Variants in TTL observed in about 807,000 individuals in gnomAD.
The protein encoded by TTL is tubulin tyrosine ligase.
TTL carries 10 observed loss-of-function variants against 41.1 expected under a neutral mutation model. The ratio of observed to expected loss-of-function variants is 0.24; its 90% CI spans 0.15 to 0.41. TTL has a LOEUF of 0.41. Among genes scored for constraint, TTL ranks in the 10% least tolerant of loss-of-function variants. TTL has a pLI of 1.00. For missense variants in TTL, 367 were observed against 460.4 expected (o/e 0.80, Z 1.86); for synonymous variants, 175 against 175.5 (o/e 1.00, Z 0.02).
At chr2:112,527,713 C>T (rs1239583337) in intron 6 of TTL, among the ~76,000 whole-genome samples, 3 of 152,104 alleles carry the variant, frequency 2.0e-5, no homozygotes, top group Non-Finnish European at 4.4e-5. Context: ...TGTCTCTGCA[C>T]GTGAGGTGGG....
chr2:112,528,544 G>T (rs1357551633), intron 6 of TTL, 137 bp from the exon 7 acceptor site: 12 of 684,178 alleles, frequency 1.8e-5, no homozygotes, highest in Non-Finnish European at 3.1e-5. Flanking sequence ...AGGCTGCAGT[G>T]TATGTACCAT....
rs192438633 is a variant in TTL, at chr2:112,531,238, C to G, written c.*2443C>G. 114 of 224,802 alleles carry G rather than the reference C, an allele frequency of 5.1e-4. No individual in the cohort carries two copies. The highest frequency in any genetic ancestry group is 2.0e-3 in the Admixed American group (35 of 17,464). The allele number at this position is 224,802 out of a possible 1,614,324, so 13.9% of individuals were successfully genotyped here. Reference sequence around the variant, plus strand: ...TTGACACAGAAGGTTATGCCTGGCTCCCAGTCAGGCTTCATACTTTTGGTC... The same window carrying G: ...TTGACACAGAAGGTTATGCCTGGCTGCCAGTCAGGCTTCATACTTTTGGTC... On this transcript the variant is annotated 3_prime_UTR_variant, in exon 7 of 7. Coordinates refer to ENST00000233336, the MANE Select transcript of TTL (RefSeq NM_153712.5).
At chr2:112,526,752 T>G (rs1257132778) in intron 6 of TTL, among the ~76,000 whole-genome samples, 1 of 152,190 alleles carries the variant, frequency 6.6e-6, no homozygotes, top group Non-Finnish European at 1.5e-5. Flanking sequence ...CTGGATTCAT[T>G]GATTTTTTGA....
In TTL at chr2:112,535,008, AAGG is replaced by A. The variant is rs769205315; in HGVS notation, c.*6214_*6216del. On this transcript the variant is annotated 3_prime_UTR_variant, in exon 7 of 7. Transcript: ENST00000233336. ...AGAAAGGCAGGCAGAAAGAAGGAGA[AAGG>A]GAGGGAGGGAGGGAAAGGAGGGAGG... 7.1e-6 allele frequency: 1 copy of A among 140,166 alleles called. No individual in the cohort carries two copies. The highest frequency in any genetic ancestry group is 2.7e-4 in the South Asian group (1 of 3,664). The allele number at this position is 140,166 out of a possible 1,614,324, so 8.7% of individuals were successfully genotyped here.
Position 112,533,804 on chromosome 2 carries a change from C to T in TTL, c.*5009C>T, listed in dbSNP as rs1682552492. On this transcript the variant is annotated 3_prime_UTR_variant, in exon 7 of 7. Coordinates refer to ENST00000233336, the MANE Select transcript of TTL (RefSeq NM_153712.5). ...AGAGATTAAGTTTCCAACACATTTACTTTGGGGAACACATTCAAACCATAG... is the reference window on the plus strand; with the variant it reads ...AGAGATTAAGTTTCCAACACATTTATTTTGGGGAACACATTCAAACCATAG... 1 of 152,186 alleles carries T rather than the reference C, an allele frequency of 6.6e-6. No homozygotes were observed. Among genetic ancestry groups the T allele is most frequent in the Non-Finnish European group, 1.5e-5 (1 of 68,032 alleles). 9.4% of individuals were successfully genotyped at this position (152,186 alleles called of 1,614,324 possible).
At position 112,517,876 on chromosome 2, in the gene TTL, G is replaced by T. The variant is rs1360684515; in HGVS notation, c.876-2406G>T. ...GGGAGGATCGCTTGAGCTCGGGGAG[G>T]TCAAGGCTGACTGCAGTGAGCCATG... On this transcript the variant is annotated intron_variant, in intron 5 of 6. Transcript: ENST00000233336. 2.0e-5 allele frequency among the ~76,000 whole-genome samples: 3 copies of T among 151,608 alleles called. No individual in the cohort carries two copies. The East Asian group carries it at 6.2e-4, about 31-fold the overall frequency.
At chr2:112,485,137 A>G (rs987955930) in intron 1 of TTL, among the ~76,000 whole-genome samples, 2 of 151,878 alleles carry the variant, frequency 1.3e-5, no homozygotes, top group East Asian at 1.9e-4. Flanking sequence ...TTTAGTAGAG[A>G]TGGGGTTTTG....
chr2:112,524,144 A>G (rs1335523916), intron 6 of TTL, among the ~76,000 whole-genome samples: 3 of 152,192 alleles, frequency 2.0e-5, no homozygotes, highest in Admixed American at 2.0e-4. Context: ...TTATGGCTGC[A>G]TAGTATTCCA....
rs1682506158 is a variant in TTL, at chr2:112,531,425, G to A, written c.*2630G>A. ...TGAAAGAGATCATTGCCTGACCCAG[G>A]GACTACCTCAAGGGCTTTTGATGAG... On this transcript the variant is annotated 3_prime_UTR_variant, in exon 7 of 7. Coordinates refer to ENST00000233336, the MANE Select transcript of TTL (RefSeq NM_153712.5). 4.4e-6 allele frequency: 1 copy of A among 229,404 alleles called. No homozygotes were observed. The highest frequency in any genetic ancestry group is 5.7e-5 in the Admixed American group (1 of 17,608). The allele number at this position is 229,404 out of a possible 1,614,324, so 14.2% of individuals were successfully genotyped here.
chr2:112,502,711 T>G (rs1681735087), intron 4 of TTL, among the ~76,000 whole-genome samples: 1 of 152,184 alleles, frequency 6.6e-6, no homozygotes, highest in African/African-American at 2.4e-5. Flanking sequence ...TAAAATGTTT[T>G]GTTTGCCTCA....
intron 6 of TTL, among the ~76,000 whole-genome samples, chr2:112,525,871 C>G (rs915267718): frequency 1.3e-5 from 2 of 152,120 alleles, no homozygotes; most frequent in African/African-American, 4.8e-5. Context: ...TGCCAGTTTT[C>G]AAAGGGAATG....
In TTL at chr2:112,495,305, C is replaced by T. The variant is rs1681496655; in HGVS notation, c.469+930C>T. ...GCCTCATTTACCTCCTGACATTAAC[C>T]TTTTCCTGGCACTATACTACTTCTC... On this transcript the variant is annotated intron_variant, in intron 3 of 6. Coordinates refer to ENST00000233336, the MANE Select transcript of TTL (RefSeq NM_153712.5). Among the ~76,000 whole-genome samples the T allele has an allele frequency of 2.0e-5, 3 of 152,178 alleles. 1 individual carries two copies. The highest frequency in any genetic ancestry group is 4.1e-4 in the South Asian group (2 of 4,824).
At chr2:112,526,434 G>A (rs1038160047) in intron 6 of TTL, among the ~76,000 whole-genome samples, 3 of 152,128 alleles carry the variant, frequency 2.0e-5, no homozygotes, top group Non-Finnish European at 2.9e-5. Flanking sequence ...TTTTTGGTTG[G>A]TAGGCTATTA....
chr2:112,517,322 A>G (rs919446807), intron 5 of TTL, among the ~76,000 whole-genome samples: 7 of 151,876 alleles, frequency 4.6e-5, no homozygotes, highest in Admixed American at 4.6e-4. Flanking sequence ...ATCTCATCTC[A>G]TTTCAACCTC....
At chr2:112,498,719 C>T (rs540030692) in intron 3 of TTL, among the ~76,000 whole-genome samples, 8 of 152,150 alleles carry the variant, frequency 5.3e-5, no homozygotes, top group Non-Finnish European at 7.4e-5. Flanking sequence ...GGCTGGCCAA[C>T]ATGGTGAAAC....
In TTL at chr2:112,537,623, A is replaced by T. The variant is rs924754196; in HGVS notation, c.*8828A>T. On this transcript the variant is annotated 3_prime_UTR_variant, in exon 7 of 7. Transcript: ENST00000233336. ...ACATTGTCTCATATGTTTCTTGGCC[A>T]CTTGTATGCCAAGGACATTTTATAT... 1 of 152,190 alleles carries T rather than the reference A, an allele frequency of 6.6e-6. No homozygotes were observed. The highest frequency in any genetic ancestry group is 1.5e-5 in the Non-Finnish European group (1 of 68,034). 9.4% of individuals were successfully genotyped at this position (152,190 alleles called of 1,614,324 possible).
At chr2:112,514,039 T>C (rs1159367718) in intron 5 of TTL, among the ~76,000 whole-genome samples, 1 of 152,202 alleles carries the variant, frequency 6.6e-6, no homozygotes, top group Admixed American at 6.5e-5. Context: ...TTTCTCTTCC[T>C]TTCCTGCATT....
At chr2:112,501,054 G>C (rs1483672957) in intron 3 of TTL, 152 bp from the exon 4 acceptor site, 1 of 608,784 alleles carries the variant, frequency 1.6e-6, no homozygotes, top group African/African-American at 2.0e-5. Context: ...AAGGGAGCAT[G>C]TGGGGGACTG....
intron 4 of TTL, among the ~76,000 whole-genome samples, 153 bp from the exon 5 acceptor site, chr2:112,502,759 A>T (rs1681735998): frequency 6.6e-6 from 1 of 152,130 alleles, no homozygotes; most frequent in Non-Finnish European, 1.5e-5. Context: ...AAATCATAAC[A>T]TGCCTCTTAT....
Sources: allele counts gnomAD v4.1 joint callset (sites outside exome capture counted in the v4.1 genomes callset), GRCh38; gene constraint gnomAD v4.1.1; transcripts MANE v1.5; gene names NCBI Gene and HGNC (gene_info 2026-07-23, HGNC 2026-07-21).